The following DNAH14 variants were observed in gnomAD, a reference collection of about 807,000 sequenced individuals.
DNAH14 encodes the protein dynein axonemal heavy chain 14, also known as axonemal beta dynein heavy chain 14.
In DNAH14, 478 loss-of-function variants were observed where a neutral mutation model predicts 520.9. That is an observed-to-expected ratio of 0.92 (90% CI 0.85 to 0.99). The LOEUF is 0.99. DNAH14 is among the 50% of genes least tolerant of loss of function. The pLI, the probability that DNAH14 is intolerant of heterozygous loss-of-function variation, is 0.00. For missense variants in DNAH14, 4,831 were observed against 5,234.5 expected, an observed-to-expected ratio of 0.92 and a Z score of 2.38; for synonymous variants, 1,581 against 1,757.2, an observed-to-expected ratio of 0.90 and a Z score of 2.51.
intron 27 of DNAH14, among the ~76,000 whole-genome samples, chr1:225,129,598 G>T (rs2078160180): frequency 6.6e-6 from 1 of 152,100 alleles, no homozygotes; most frequent in Non-Finnish European, 1.5e-5. Context: ...ATGGTGCTGG[G>T]AAAACTGGCT....
chr1:225,233,106 C>T (rs546815121), intron 42 of DNAH14, among the ~76,000 whole-genome samples: 1 of 152,298 alleles, frequency 6.6e-6, no homozygotes, highest in East Asian at 1.9e-4. Context: ...GGGCTTCCAG[C>T]TCCAACCATG....
At chr1:225,381,224 A>G (rs1310301601) in intron 80 of DNAH14, among the ~76,000 whole-genome samples, 159 bp from the exon 81 acceptor site, 1 of 152,108 alleles carries the variant, frequency 6.6e-6, no homozygotes, top group Non-Finnish European at 1.5e-5. Context: ...TGGTCCCCAT[A>G]CCCTAAAATG....
chr1:225,174,200 A>G (rs2083054786), intron 36 of DNAH14, among the ~76,000 whole-genome samples: 1 of 152,202 alleles, frequency 6.6e-6, no homozygotes, highest in African/African-American at 2.4e-5. Context: ...AACATGGCAC[A>G]TGTATACTTT....
intron 55 of DNAH14, among the ~76,000 whole-genome samples, chr1:225,298,191 G>A (rs2094055188): frequency 1.3e-5 from 2 of 151,938 alleles, no homozygotes; most frequent in Non-Finnish European, 2.9e-5. Flanking sequence ...TAGCCTGGGG[G>A]TATGTCTTCC....
chr1:225,095,053 C>T (rs1368601707), intron 21 of DNAH14, among the ~76,000 whole-genome samples: 2 of 152,068 alleles, frequency 1.3e-5, no homozygotes, highest in East Asian at 3.9e-4. Context: ...AAAGGGAATA[C>T]TTATACATTG....
intron 49 of DNAH14, among the ~76,000 whole-genome samples, chr1:225,267,930 A>G (rs2093178083): frequency 6.6e-6 from 1 of 152,034 alleles, no homozygotes; most frequent in South Asian, 2.1e-4. Flanking sequence ...AAGAGAAGGC[A>G]GGAAATAGGG....
intron 17 of DNAH14, among the ~76,000 whole-genome samples, chr1:225,059,382 G>T (rs546461673): frequency 1.1e-3 from 172 of 152,228 alleles, no homozygotes; most frequent in African/African-American, 4.0e-3. Flanking sequence ...TTGCTTGGTA[G>T]ATCTTCCTCC....
At chr1:225,134,017 G>C (rs1206424135) in intron 27 of DNAH14, among the ~76,000 whole-genome samples, 1 of 151,872 alleles carries the variant, frequency 6.6e-6, no homozygotes, top group East Asian at 1.9e-4. Context: ...TCATGATTTG[G>C]CTCTCTGCTT....
chr1:225,369,527 T>G (rs1223184622), intron 77 of DNAH14, among the ~76,000 whole-genome samples: 1 of 151,956 alleles, frequency 6.6e-6, no homozygotes, highest in Non-Finnish European at 1.5e-5. Context: ...CTGGTATACA[T>G]GTACATATAT....
At chr1:224,998,959 A>T (rs909243576) in intron 8 of DNAH14, among the ~76,000 whole-genome samples, 1 of 151,578 alleles carries the variant, frequency 6.6e-6, no homozygotes, top group African/African-American at 2.4e-5. Flanking sequence ...TTTTAGAATT[A>T]TTCTGTCTTC....
At chr1:224,989,693 A>G (rs2125747562) in intron 8 of DNAH14, among the ~76,000 whole-genome samples, 1 of 152,254 alleles carries the variant, frequency 6.6e-6, no homozygotes, top group Admixed American at 6.5e-5. Context: ...TTAGCTGTAG[A>G]CTTTTGTCAA....
chr1:224,930,720 C>G (rs1182023680), intron 1 of DNAH14, among the ~76,000 whole-genome samples: 1 of 152,144 alleles, frequency 6.6e-6, no homozygotes, highest in African/African-American at 2.4e-5. Flanking sequence ...GCCTCAGCCT[C>G]CGGAGTAGCT....
rs755336763 is a variant in DNAH14, at chr1:224,991,424, G to T, written c.831-11359G>T. On this transcript the variant is annotated intron_variant, in intron 8 of 85. Coordinates refer to ENST00000682510, the MANE Select transcript of DNAH14 (RefSeq NM_001367479.1). ...TTTTCCATACATCTGTTGGCCATTT[G>T]TGTGTCTTCTTTTGAGAAATGTCTA... 5.9e-5 allele frequency among the ~76,000 whole-genome samples: 9 copies of T among 151,922 alleles called. 1 individual carries two copies. The highest frequency in any genetic ancestry group is 6.8e-3 in the Middle Eastern group (2 of 294).
intron 22 of DNAH14, among the ~76,000 whole-genome samples, chr1:225,099,296 C>A (rs984267270): frequency 2.0e-5 from 3 of 152,006 alleles, no homozygotes; most frequent in African/African-American, 7.2e-5. Flanking sequence ...TAGAAACTAG[C>A]GCTTGCCTCT....
intron 10 of DNAH14, among the ~76,000 whole-genome samples, chr1:225,009,438 G>A (rs1027853658): frequency 5.9e-5 from 9 of 152,150 alleles, no homozygotes; most frequent in Non-Finnish European, 1.3e-4. Context: ...TACTTCTGAG[G>A]CCTCTGTTCT....
intron 44 of DNAH14, 23 bp downstream of exon 44, chr1:225,252,440 T>C: frequency 7.8e-7 from 1 of 1,288,348 alleles, no homozygotes; most frequent in Non-Finnish European, 1.1e-6. Context: ...ATAAGAATCA[T>C]ACTTGTAACG....
chr1:225,301,785 C>T (rs1471413973), intron 56 of DNAH14, among the ~76,000 whole-genome samples: 4 of 152,060 alleles, frequency 2.6e-5, no homozygotes, highest in African/African-American at 9.7e-5. Flanking sequence ...CAAACAGATA[C>T]TTAGTAATCT....
At chr1:225,120,417 G>GCT (rs1384992979) in intron 26 of DNAH14, among the ~76,000 whole-genome samples, 1 of 152,172 alleles carries the variant, frequency 6.6e-6, no homozygotes, top group East Asian at 1.9e-4. Context: ...GCAGCAAGAG[G>GCT]CTGCATGACC....
intron 54 of DNAH14, among the ~76,000 whole-genome samples, chr1:225,284,982 C>G (rs547499645): frequency 3.4e-4 from 51 of 152,160 alleles, no homozygotes; most frequent in African/African-American, 1.1e-3. Flanking sequence ...GCTTCAGCAA[C>G]CTAATAAAGA....
Sources: gnomAD v4.1 joint callset for allele counts (sites outside exome capture counted in the v4.1 genomes callset) on GRCh38, gnomAD v4.1.1 for gene constraint, MANE v1.5 for transcripts, NCBI Gene and HGNC (gene_info 2026-07-23, HGNC 2026-07-21) for gene names.